Variants in ACOXL observed in about 807,000 individuals in gnomAD.
ACOXL encodes acyl-CoA oxidase like, also known as acyl-coenzyme A oxidase-like protein.
Under a neutral mutation model 71.9 loss-of-function variants are expected in ACOXL, and 70 were observed. That is an observed-to-expected ratio of 0.97 (90% CI 0.80 to 1.19). The LOEUF is 1.19. ACOXL is among the 50% of genes most tolerant of loss of function. The probability of loss-of-function intolerance (pLI) is 0.00; values close to 1 mark genes in which losing one functional copy is unlikely to be tolerated. For missense variants in ACOXL, 703 were observed against 736.3 expected, an observed-to-expected ratio of 0.95 and a Z score of 0.52; for synonymous variants, 253 against 281.6, an observed-to-expected ratio of 0.90 and a Z score of 1.02.
At chr2:111,068,798 T>C (rs755694650) in intron 16 of ACOXL, among the ~76,000 whole-genome samples, 4 of 152,240 alleles carry the variant, frequency 2.6e-5, no homozygotes, top group African/African-American at 4.8e-5. Context: ...CCATAGGATT[T>C]AGAGGATTCT....
rs564768941 is a variant in ACOXL, at chr2:110,839,733, G to A, written c.754-1638G>A. Among the ~76,000 whole-genome samples, 11 of 152,186 alleles carry A rather than the reference G, an allele frequency of 7.2e-5. No individual in the cohort carries two copies. In the East Asian group the frequency reaches 1.5e-3, roughly 21 times the overall value. ...GCAGGACGTCGAGCTGGGCAGTGGC[G>A]TTGGACTTTTTAATTTCAACCATTT... On this transcript the variant is annotated intron_variant, in intron 9 of 17. Coordinates refer to ENST00000439055, the MANE Select transcript of ACOXL (RefSeq NM_001142807.4).
At chr2:110,849,624 G>A (rs570313448) in intron 10 of ACOXL, among the ~76,000 whole-genome samples, 1 of 152,258 alleles carries the variant, frequency 6.6e-6, no homozygotes, top group Admixed American at 6.5e-5. Context: ...CAGGCGTGGT[G>A]GCACGTGCTT....
chr2:111,058,885 C>A (rs937559345), intron 16 of ACOXL, among the ~76,000 whole-genome samples: 1 of 152,180 alleles, frequency 6.6e-6, no homozygotes, highest in Admixed American at 6.5e-5. Context: ...CTTGGGTCTC[C>A]TGATGGAATG....
chr2:110,987,116 G>T lies in ACOXL; in HGVS notation c.1068G>T (p.Gly356=), dbSNP rs370207913. Residue 356 remains glycine, a synonymous_variant, in exon 13 of 18, where the codon GGG becomes GGT. Transcript: ENST00000439055. ...CRECTGGMVV[G]RELLAQYTKQ... ...ATAAACTCTTTGCACAGGTTGTGGG[G>T]CGGGAACTGCTGGCCCAATACACCA... The T allele has an allele frequency of 1.3e-6, 2 of 1,567,372 alleles. No homozygotes were observed. Among genetic ancestry groups the T allele is most frequent in the African/African-American group, 2.7e-5 (2 of 74,116 alleles).
chr2:110,809,732 G>A (rs530717226), intron 9 of ACOXL, among the ~76,000 whole-genome samples: 2 of 152,262 alleles, frequency 1.3e-5, no homozygotes, highest in South Asian at 4.1e-4. Flanking sequence ...TGACTGCAAG[G>A]GTTCATGGAA....
chr2:110,863,696 G>A (rs1275489142), intron 10 of ACOXL, among the ~76,000 whole-genome samples: 1 of 152,074 alleles, frequency 6.6e-6, no homozygotes, highest in Non-Finnish European at 1.5e-5. Flanking sequence ...CTGCCCTAAG[G>A]AGCACCTGGG....
chr2:110,838,886 T>C, intron 9 of ACOXL, among the ~76,000 whole-genome samples: 1 of 152,242 alleles, frequency 6.6e-6, no homozygotes, highest in East Asian at 1.9e-4. Flanking sequence ...GTCCTGTTCA[T>C]GCAGAGGCCT....
chr2:110,950,472 T>G (rs2061286129), intron 12 of ACOXL, among the ~76,000 whole-genome samples: 1 of 152,186 alleles, frequency 6.6e-6, no homozygotes, highest in African/African-American at 2.4e-5. Flanking sequence ...ATTATAAATT[T>G]CATAAGGAAT....
intron 1 of ACOXL, among the ~76,000 whole-genome samples, chr2:110,738,736 GT>G (rs1677169016): frequency 6.6e-6 from 1 of 152,128 alleles, no homozygotes. Flanking sequence ...GGAAACTTGT[GT>G]TCAGTTATCT....
chr2:110,758,959 G>A (rs1680037109), intron 1 of ACOXL, among the ~76,000 whole-genome samples: 1 of 152,158 alleles, frequency 6.6e-6, no homozygotes, highest in African/African-American at 2.4e-5. Flanking sequence ...GGAGCAGGTT[G>A]TTCCGTTTCC....
At chr2:110,957,914 C>T (rs1304929006) in intron 12 of ACOXL, among the ~76,000 whole-genome samples, 2 of 151,750 alleles carry the variant, frequency 1.3e-5, no homozygotes, top group Admixed American at 6.6e-5. Flanking sequence ...AAAAAAAAGG[C>T]GGGCATGGTG....
intron 12 of ACOXL, among the ~76,000 whole-genome samples, chr2:110,948,960 C>T (rs529310712): frequency 2.2e-4 from 34 of 152,160 alleles, no homozygotes; most frequent in African/African-American, 6.5e-4. Flanking sequence ...CCCCGAGACA[C>T]GTACATTTCA....
At chr2:110,814,138 C>T (rs956392481) in intron 9 of ACOXL, among the ~76,000 whole-genome samples, 7 of 152,208 alleles carry the variant, frequency 4.6e-5, no homozygotes, top group Non-Finnish European at 8.8e-5. Flanking sequence ...TTGGTGTCCA[C>T]GTTGAAAATG....
chr2:110,881,553 C>T (rs933743617), intron 10 of ACOXL, among the ~76,000 whole-genome samples: 28 of 152,266 alleles, frequency 1.8e-4, no homozygotes, highest in African/African-American at 5.3e-4. Flanking sequence ...ATGGCACCAT[C>T]GCCACAATCA....
intron 12 of ACOXL, among the ~76,000 whole-genome samples, chr2:110,972,647 G>C (rs554396638): frequency 3.0e-4 from 29 of 95,602 alleles, no homozygotes; most frequent in Admixed American, 8.9e-4. Flanking sequence ...ACACACACAC[G>C]TGCACACACA....
At chr2:110,776,244 G>A (rs537703693) in intron 2 of ACOXL, among the ~76,000 whole-genome samples, 19 of 152,328 alleles carry the variant, frequency 1.2e-4, no homozygotes, top group African/African-American at 4.3e-4. Context: ...AAGTGGAATG[G>A]TGGTTTCCTG....
chr2:110,957,436 C>A (rs2061540324), intron 12 of ACOXL, among the ~76,000 whole-genome samples: 1 of 152,170 alleles, frequency 6.6e-6, no homozygotes, highest in African/African-American at 2.4e-5. Flanking sequence ...TCTGTGCTGG[C>A]TGCTATACGA....
intron 10 of ACOXL, among the ~76,000 whole-genome samples, chr2:110,884,312 C>T (rs893812677): frequency 2.0e-5 from 3 of 152,180 alleles, no homozygotes; most frequent in Admixed American, 6.5e-5. Flanking sequence ...TCGTACTCCT[C>T]GTTAAAGAAT....
At chr2:110,847,581 G>A (rs1692073976) in intron 10 of ACOXL, among the ~76,000 whole-genome samples, 1 of 152,220 alleles carries the variant, frequency 6.6e-6, no homozygotes, top group African/African-American at 2.4e-5. Context: ...CCACAGAGTT[G>A]TGACTCTTAA....
Sources: gnomAD v4.1 joint callset for allele counts (sites outside exome capture counted in the v4.1 genomes callset) on GRCh38, gnomAD v4.1.1 for gene constraint, MANE v1.5 for transcripts, NCBI Gene and HGNC (gene_info 2026-07-23, HGNC 2026-07-21) for gene names.